The following CRYL1 variants were observed in gnomAD, a reference collection of about 807,000 sequenced individuals.
CRYL1 encodes crystallin lambda 1, also known as lambda-crystallin homolog.
In CRYL1, 29 loss-of-function variants were observed where a neutral mutation model predicts 36.6. The ratio of observed to expected loss-of-function variants is 0.79; its 90% CI spans 0.59 to 1.08. The LOEUF (loss-of-function observed/expected upper bound fraction) is 1.08. CRYL1 is among the 50% of genes least tolerant of loss of function. The pLI is 0.00. For synonymous variants in CRYL1, 152 were observed against 151.5 expected, an observed-to-expected ratio of 1.00 and a Z score of -0.02; for missense variants, 411 against 407.9, an observed-to-expected ratio of 1.01 and a Z score of -0.06.
intron 2 of CRYL1, among the ~76,000 whole-genome samples, chr13:20,507,935 AAAG>A (rs2033832973): frequency 6.6e-6 from 1 of 151,614 alleles, no homozygotes; most frequent in South Asian, 2.1e-4. Flanking sequence ...AAAAAAGAAA[AAAG>A]AAAAAAAAAA....
At position 20,498,290 on chromosome 13, in the gene CRYL1, C is replaced by A. The variant is rs537157081; in HGVS notation, c.150-8794G>T. Among the ~76,000 whole-genome samples the A allele has an allele frequency of 4.0e-5, 6 of 151,776 alleles. No individual in the cohort carries two copies. The East Asian group carries it at 1.2e-3, about 30-fold the overall frequency. On this transcript the variant is annotated intron_variant, in intron 2 of 7. Transcript: ENST00000298248. Reference sequence around the variant, plus strand: ...CATATACACACTACACACACACCACCATACACACTACACACACTCCATATA... The same window carrying A: ...CATATACACACTACACACACACCACAATACACACTACACACACTCCATATA...
At position 20,525,295 on chromosome 13, in the gene CRYL1, C is replaced by T. The variant is rs1249089251; in HGVS notation, c.41+459G>A. Among the ~76,000 whole-genome samples the T allele has an allele frequency of 6.6e-6, 1 of 152,232 alleles. No homozygotes were observed. The highest frequency in any genetic ancestry group is 1.5e-5 in the Non-Finnish European group (1 of 68,042). On this transcript the variant is annotated intron_variant, in intron 1 of 7. Transcript: ENST00000298248. This position sits in a 1 kb window ranked among gnomAD's most constrained non-coding sequence, Gnocchi z 4.3. ...GGCTAGTCCTGTCTCCGTCACTAAA[C>T]GCCTGTGACCTTAGGTAAACTGCTT...
At chr13:20,433,098 CCAGTCTA>C (rs1334782045) in intron 4 of CRYL1, among the ~76,000 whole-genome samples, 1 of 152,152 alleles carries the variant, frequency 6.6e-6, no homozygotes. Flanking sequence ...TCTGCCTCTT[CCAGTCTA>C]ATGTCACCTT....
chr13:20,516,877 G>T (rs2034008429), intron 1 of CRYL1, among the ~76,000 whole-genome samples: 1 of 152,030 alleles, frequency 6.6e-6, no homozygotes, highest in South Asian at 2.1e-4. Flanking sequence ...TTCAAGAAGA[G>T]CCTGGGCAAC....
intron 5 of CRYL1, chr13:20,430,897 T>C: frequency 1.0e-6 from 1 of 985,352 alleles, no homozygotes; most frequent in Non-Finnish European, 1.2e-6. Flanking sequence ...TCTTTAAAAA[T>C]ACCTTGACAC....
At chr13:20,478,765 C>T (rs2033214567) in intron 3 of CRYL1, among the ~76,000 whole-genome samples, 1 of 152,066 alleles carries the variant, frequency 6.6e-6, no homozygotes, top group African/African-American at 2.4e-5. Flanking sequence ...GCATGAGCCA[C>T]CACATCCAGC....
intron 6 of CRYL1, among the ~76,000 whole-genome samples, chr13:20,410,237 A>G (rs931907725): frequency 2.0e-5 from 3 of 148,252 alleles, no homozygotes; most frequent in African/African-American, 5.0e-5. Context: ...CTGTAAGGAC[A>G]TGGATGAAAT....
rs1012948087 is a variant in CRYL1 at position 20,415,662 on chromosome 13, G to T, written c.634-2275C>A. On this transcript the variant is annotated intron_variant, in intron 5 of 7. Coordinates refer to ENST00000298248, the MANE Select transcript of CRYL1 (RefSeq NM_015974.3). This position sits in a 1 kb window ranked among gnomAD's most constrained non-coding sequence, Gnocchi z 4.1. The stretch of plus-strand genomic sequence containing the variant: ...AACAAGCCACAGTCCACGTTTCCAG[G>T]AGAATTACAAAGCAAACGCTTGGCC... Among the ~76,000 whole-genome samples the T allele has an allele frequency of 6.6e-6, 1 of 152,206 alleles. No individual in the cohort carries two copies. The highest frequency in any genetic ancestry group is 2.4e-5 in the African/African-American group (1 of 41,462).
intron 3 of CRYL1, among the ~76,000 whole-genome samples, chr13:20,487,608 A>G (rs555553440): frequency 6.6e-6 from 1 of 152,222 alleles, no homozygotes; most frequent in South Asian, 2.1e-4. Context: ...ATAACTAAAT[A>G]CTTTCCTTAA....
intron 4 of CRYL1, 49 bp downstream of exon 4, chr13:20,439,544 C>CAAAAAAAAAAAAAAAAAAAA: frequency 1.8e-6 from 1 of 561,762 alleles, no homozygotes; most frequent in South Asian, 3.7e-5. Context: ...AAAAAAAAAA[C>CAAAAAAAAAAAAAAAAAAAA]ACAGAATGAG....
chr13:20,440,956 A>G (rs2032337997), intron 3 of CRYL1, among the ~76,000 whole-genome samples: 1 of 151,800 alleles, frequency 6.6e-6, no homozygotes, highest in Non-Finnish European at 1.5e-5. Flanking sequence ...TCCCTGCCAC[A>G]TGAGGATGAA....
chr13:20,490,263 G>A (rs9578291), intron 2 of CRYL1, among the ~76,000 whole-genome samples: 46,456 of 152,020 alleles, frequency 0.31, 7,390 homozygotes, highest in African/African-American at 0.37. Context: ...ATTGTGCCGC[G>A]TGCCTGTAAT....
chr13:20,466,806 A>C (rs2032945064), intron 3 of CRYL1, among the ~76,000 whole-genome samples: 1 of 152,178 alleles, frequency 6.6e-6, no homozygotes, highest in Non-Finnish European at 1.5e-5. Flanking sequence ...GTACAGGAAT[A>C]TGCATAACTG....
In CRYL1 at chr13:20,508,878, AAAAAAAAAAAC is replaced by A. The variant is rs1189015115; in HGVS notation, c.149+3554_149+3564del. ...AAAAAAAAAAAAAAAAAAAAAAACA[AAAAAAAAAAAC>A]TGACAACAACAACATTTTGGGCCAG... On this transcript the variant is annotated intron_variant, in intron 2 of 7. Coordinates refer to ENST00000298248, the MANE Select transcript of CRYL1 (RefSeq NM_015974.3). 2.6e-4 allele frequency among the ~76,000 whole-genome samples: 35 copies of A among 132,742 alleles called. 1 individual carries two copies. The highest frequency in any genetic ancestry group is 8.8e-4 in the African/African-American group (32 of 36,204). The allele number at this position is 132,742 out of a possible 152,430, so 87.1% of individuals were successfully genotyped here. A position where few individuals can be genotyped will look rare whatever the true frequency, so the allele number is the denominator to read the frequency against.
chr13:20,441,648 A>G (rs1023042884), intron 3 of CRYL1, among the ~76,000 whole-genome samples: 3 of 152,238 alleles, frequency 2.0e-5, no homozygotes, highest in Non-Finnish European at 2.9e-5. Flanking sequence ...GTGAAATTCA[A>G]TGCTGAAGTA....
At chr13:20,463,949 C>G (rs1212270287) in intron 3 of CRYL1, among the ~76,000 whole-genome samples, 2 of 152,134 alleles carry the variant, frequency 1.3e-5, no homozygotes. Flanking sequence ...GAGAGCCACT[C>G]TACACAAAAG....
intron 3 of CRYL1, among the ~76,000 whole-genome samples, chr13:20,459,422 CA>C (rs1347251665): frequency 6.6e-6 from 1 of 151,964 alleles, no homozygotes; most frequent in African/African-American, 2.4e-5. Flanking sequence ...CAGCACTATT[CA>C]AAATAGCAAA....
Position 20,514,826 on chromosome 13 carries a change from A to G in CRYL1, c.42-2276T>C, listed in dbSNP as rs528664557. Among the ~76,000 whole-genome samples the G allele has an allele frequency of 2.0e-5, 3 of 152,254 alleles. No homozygotes were observed. In the East Asian group the frequency reaches 5.8e-4, roughly 29 times the overall value. Reference sequence around the variant, plus strand: ...TTCTGTAAAAATGTAAAAATTGTCTAAAAAAATAAAGGTTTTTTTTAATGA... The same window carrying G: ...TTCTGTAAAAATGTAAAAATTGTCTGAAAAAATAAAGGTTTTTTTTAATGA... On this transcript the variant is annotated intron_variant, in intron 1 of 7. Coordinates refer to ENST00000298248, the MANE Select transcript of CRYL1 (RefSeq NM_015974.3).
intron 6 of CRYL1, among the ~76,000 whole-genome samples, chr13:20,407,915 G>A (rs1297432049): frequency 6.6e-6 from 1 of 152,138 alleles, no homozygotes; most frequent in African/African-American, 2.4e-5. Flanking sequence ...GGCACCAGAG[G>A]AGGCCTTAAC....
Sources: allele counts gnomAD v4.1 joint callset (sites outside exome capture counted in the v4.1 genomes callset), GRCh38; gene constraint gnomAD v4.1.1; non-coding constraint Gnocchi (gnomAD v3.1); transcripts MANE v1.5; gene names NCBI Gene and HGNC (gene_info 2026-07-23, HGNC 2026-07-21).